Variants in TACR3 observed in about 807,000 individuals in gnomAD.
TACR3 encodes tachykinin receptor 3.
In TACR3, 34 loss-of-function variants were observed where a neutral mutation model predicts 35.0. The observed-to-expected ratio is 0.97, with a 90% CI of 0.74 to 1.30. The LOEUF (loss-of-function observed/expected upper bound fraction) is 1.30. TACR3 is among the 50% of genes most tolerant of loss of function. TACR3 has a pLI of 0.00. For missense variants in TACR3, 558 were observed against 591.7 expected, an observed-to-expected ratio of 0.94 and a Z score of 0.59; for synonymous variants, 233 against 221.1, an observed-to-expected ratio of 1.05 and a Z score of -0.48.
chr4:103,681,129 A>G (rs149542777), intron 1 of TACR3, among the ~76,000 whole-genome samples: 2 of 152,124 alleles, frequency 1.3e-5, no homozygotes, highest in African/African-American at 4.8e-5. Context: ...GTAAAATAGG[A>G]TATTTAAAAA....
At chr4:103,648,356 G>A (rs1402586134) in intron 3 of TACR3, among the ~76,000 whole-genome samples, 1 of 151,898 alleles carries the variant, frequency 6.6e-6, no homozygotes, top group Admixed American at 6.6e-5. Flanking sequence ...TCATTCTGTT[G>A]TGCTATATAA....
intron 3 of TACR3, among the ~76,000 whole-genome samples, chr4:103,612,879 C>T (rs1019943176): frequency 6.6e-5 from 10 of 152,038 alleles, no homozygotes; most frequent in Non-Finnish European, 1.2e-4. Flanking sequence ...CATGATAACC[C>T]TCTTTTAAAT....
intron 3 of TACR3, among the ~76,000 whole-genome samples, chr4:103,621,246 G>T (rs544487404): frequency 4.6e-5 from 7 of 152,244 alleles, no homozygotes; most frequent in African/African-American, 1.7e-4. Flanking sequence ...CAGAAAATAA[G>T]GTAACCAAAA....
At chr4:103,691,629 A>G (rs535772816) in intron 1 of TACR3, among the ~76,000 whole-genome samples, 1 of 152,296 alleles carries the variant, frequency 6.6e-6, no homozygotes. Context: ...CTGGCCATAA[A>G]CAAAATCTCT....
chr4:103,638,155 A>T (rs892082150), intron 3 of TACR3, among the ~76,000 whole-genome samples: 11 of 152,166 alleles, frequency 7.2e-5, no homozygotes, highest in Admixed American at 2.6e-4. Context: ...CAAAAGAACA[A>T]AGCTGGAGGC....
chr4:103,685,899 C>G (rs977644389), intron 1 of TACR3, among the ~76,000 whole-genome samples: 1 of 152,120 alleles, frequency 6.6e-6, no homozygotes, highest in African/African-American at 2.4e-5. Flanking sequence ...TGGGTGGGGA[C>G]ATCTATGAGA....
At chr4:103,620,478 CAA>C (rs1425228187) in intron 3 of TACR3, among the ~76,000 whole-genome samples, 1 of 152,124 alleles carries the variant, frequency 6.6e-6, no homozygotes, top group Non-Finnish European at 1.5e-5. Context: ...TTCACAATAG[CAA>C]AGACATGTGA....
At chr4:103,643,128 C>T (rs1725390942) in intron 3 of TACR3, among the ~76,000 whole-genome samples, 1 of 151,696 alleles carries the variant, frequency 6.6e-6, no homozygotes, top group South Asian at 2.1e-4. Flanking sequence ...GCAGTGCTGA[C>T]TAATATGATA....
chr4:103,605,962 T>A lies in TACR3; in HGVS notation c.889-14279A>T, dbSNP rs1265655942. Among the ~76,000 whole-genome samples, 1,292 of 150,436 alleles carry A rather than the reference T, an allele frequency of 8.6e-3. 26 individuals are homozygous for A. Among genetic ancestry groups the A allele is most frequent in the African/African-American group, 0.03 (1,212 of 39,832 alleles). On this transcript the variant is annotated intron_variant, in intron 3 of 4. Transcript: ENST00000304883. The stretch of plus-strand genomic sequence containing the variant: ...CTAGGGTTTTTATGGTTTTAGGTCG[T>A]ACGTTTAAGTCTTTAATCCATCTTG...
At chr4:103,609,523 G>A (rs1444482197) in intron 3 of TACR3, among the ~76,000 whole-genome samples, 1 of 152,000 alleles carries the variant, frequency 6.6e-6, no homozygotes, top group African/African-American at 2.4e-5. Flanking sequence ...GTGGGGTAGT[G>A]TGTTTCAATA....
chr4:103,636,157 TTAAC>T (rs556513793), intron 3 of TACR3, among the ~76,000 whole-genome samples: 304 of 152,158 alleles, frequency 2.0e-3, no homozygotes, highest in Admixed American at 3.0e-3. Context: ...TTTAGGTTAA[TTAAC>T]TAAGGAGAAT....
chr4:103,635,134 T>G (rs945759548), intron 3 of TACR3, among the ~76,000 whole-genome samples: 3 of 152,012 alleles, frequency 2.0e-5, no homozygotes, highest in African/African-American at 7.2e-5. Flanking sequence ...ATATGAGTAA[T>G]AGAGACAAAA....
chr4:103,689,074 A>C (rs1271829251), intron 1 of TACR3, among the ~76,000 whole-genome samples: 1 of 152,106 alleles, frequency 6.6e-6, no homozygotes, highest in African/African-American at 2.4e-5. Context: ...CAGCCATAAA[A>C]AAATGATGAG....
chr4:103,609,741 A>C (rs958853409), intron 3 of TACR3, among the ~76,000 whole-genome samples: 1 of 151,662 alleles, frequency 6.6e-6, no homozygotes, highest in Non-Finnish European at 1.5e-5. Flanking sequence ...CTGGTGACCA[A>C]CCTCTCCCCA....
At chr4:103,627,420 A>G (rs1445704341) in intron 3 of TACR3, among the ~76,000 whole-genome samples, 1 of 150,858 alleles carries the variant, frequency 6.6e-6, no homozygotes, top group Non-Finnish European at 1.5e-5. Flanking sequence ...GCTACTCAGA[A>G]GGCTGAGGCA....
chr4:103,626,716 G>GTTGT (rs1318283409), intron 3 of TACR3, among the ~76,000 whole-genome samples: 1 of 152,078 alleles, frequency 6.6e-6, no homozygotes, highest in East Asian at 1.9e-4. Context: ...CATTGTGTTT[G>GTTGT]TTGTTGTTTT....
At chr4:103,702,472 C>A (rs1722675893) in intron 1 of TACR3, among the ~76,000 whole-genome samples, 1 of 152,168 alleles carries the variant, frequency 6.6e-6, no homozygotes, top group Non-Finnish European at 1.5e-5. Flanking sequence ...ACTAGTTCAA[C>A]CATTGTGGAA....
At chr4:103,668,848 C>CAA (rs565931739) in intron 1 of TACR3, among the ~76,000 whole-genome samples, 12,381 of 107,644 alleles carry the variant, frequency 0.12, 1,908 homozygotes, top group African/African-American at 0.35. Context: ...GACTCTGTCT[C>CAA]AAAAAAAAAA....
At chr4:103,685,911 C>T (rs1722217236) in intron 1 of TACR3, among the ~76,000 whole-genome samples, 1 of 152,134 alleles carries the variant, frequency 6.6e-6, no homozygotes, top group African/African-American at 2.4e-5. Flanking sequence ...TCTATGAGAA[C>T]TACTAGCTCT....
Sources: gnomAD v4.1 joint callset for allele counts (sites outside exome capture counted in the v4.1 genomes callset) on GRCh38, gnomAD v4.1.1 for gene constraint, MANE v1.5 for transcripts, NCBI Gene and HGNC (gene_info 2026-07-23, HGNC 2026-07-21) for gene names.